Variants in CDH13 observed in about 807,000 individuals in gnomAD.
The protein encoded by CDH13 is cadherin-13.
A neutral mutation model predicts 63.8 loss-of-function variants in CDH13; 24 were observed. The ratio of observed to expected loss-of-function variants is 0.38; its 90% CI spans 0.27 to 0.53. CDH13 has a LOEUF of 0.53. CDH13 is among the 20% of genes least tolerant of loss of function. The probability of loss-of-function intolerance (pLI) is 0.85; values close to 1 mark genes in which losing one functional copy is unlikely to be tolerated. For missense variants in CDH13, 1,049 were observed against 903.1 expected, an observed-to-expected ratio of 1.16 and a Z score of -2.07; for synonymous variants, 503 against 355.3, an observed-to-expected ratio of 1.42 and a Z score of -4.67.
chr16:82,775,186 T>C (rs2035439983), intron 1 of CDH13, among the ~76,000 whole-genome samples: 1 of 152,196 alleles, frequency 6.6e-6, no homozygotes, highest in Admixed American at 6.5e-5. Context: ...ATAGTTGTGA[T>C]AGAGTGAATA....
chr16:83,648,576 C>T (rs556296463), intron 8 of CDH13, among the ~76,000 whole-genome samples: 2 of 152,238 alleles, frequency 1.3e-5, no homozygotes, highest in South Asian at 2.1e-4. Context: ...GAGGCTTCAA[C>T]CACTGGGTTT....
intron 8 of CDH13, among the ~76,000 whole-genome samples, chr16:83,603,019 T>C (rs2150751855): frequency 6.6e-6 from 1 of 152,312 alleles, no homozygotes; most frequent in South Asian, 2.1e-4. Context: ...TCCATAACAA[T>C]GTGGCCCAGG....
intron 7 of CDH13, among the ~76,000 whole-genome samples, chr16:83,540,542 C>A (rs543900552): frequency 6.6e-6 from 1 of 152,300 alleles, no homozygotes; most frequent in African/African-American, 2.4e-5. Flanking sequence ...TCTTCTTCTT[C>A]CCCAGACCCT....
chr16:82,681,868 G>C (rs952870966), intron 1 of CDH13, among the ~76,000 whole-genome samples: 4 of 152,226 alleles, frequency 2.6e-5, no homozygotes, highest in Non-Finnish European at 4.4e-5. Flanking sequence ...CCAGAGCTCA[G>C]TGCGTCTTGC....
At chr16:82,881,508 C>A (rs1309193399) in intron 2 of CDH13, among the ~76,000 whole-genome samples, 1 of 152,126 alleles carries the variant, frequency 6.6e-6, no homozygotes, top group East Asian at 1.9e-4. Context: ...TGGATGTGGG[C>A]TGTGGGAAGG....
chr16:82,937,064 G>A (rs1054106544), intron 2 of CDH13, among the ~76,000 whole-genome samples: 5 of 152,172 alleles, frequency 3.3e-5, no homozygotes, highest in African/African-American at 1.2e-4. Context: ...TAAACAGAGG[G>A]CAACTGCAGA....
chr16:83,493,522 G>A (rs7189977), intron 7 of CDH13, among the ~76,000 whole-genome samples: 25,769 of 152,146 alleles, frequency 0.17, 2,499 homozygotes, highest in South Asian at 0.25. Flanking sequence ...GAACCTTGAT[G>A]GCTGTGTGGA....
chr16:83,656,547 C>T (rs1185970813), intron 8 of CDH13, among the ~76,000 whole-genome samples: 1 of 152,066 alleles, frequency 6.6e-6, no homozygotes, highest in Non-Finnish European at 1.5e-5. Flanking sequence ...TGAAGAGCTG[C>T]CATTGCCCAA....
At chr16:83,056,528 A>G (rs1165551003) in intron 3 of CDH13, among the ~76,000 whole-genome samples, 2 of 152,232 alleles carry the variant, frequency 1.3e-5, no homozygotes, top group African/African-American at 4.8e-5. Context: ...ATAACATTGC[A>G]TGAAAGAAGC....
intron 2 of CDH13, among the ~76,000 whole-genome samples, chr16:82,893,171 T>C (rs1328200881): frequency 6.6e-6 from 1 of 152,186 alleles, no homozygotes; most frequent in Non-Finnish European, 1.5e-5. Context: ...CAGAGAAACC[T>C]CAAAATTACT....
At chr16:83,300,653 C>G (rs1597698242) in intron 5 of CDH13, among the ~76,000 whole-genome samples, 1 of 152,180 alleles carries the variant, frequency 6.6e-6, no homozygotes, top group African/African-American at 2.4e-5. Flanking sequence ...AACCTAGTAT[C>G]TTGTCAAGAT....
intron 3 of CDH13, among the ~76,000 whole-genome samples, chr16:83,115,663 C>G (rs978200098): frequency 3.5e-4 from 53 of 152,220 alleles, no homozygotes; most frequent in African/African-American, 1.2e-3. Flanking sequence ...CACTGTTCTC[C>G]CTTAATTCCC....
intron 9 of CDH13, among the ~76,000 whole-genome samples, chr16:83,675,896 T>C (rs2150866669): frequency 6.6e-6 from 1 of 152,274 alleles, no homozygotes; most frequent in South Asian, 2.1e-4. Context: ...TTACAGTCAA[T>C]TCATTCATTC....
intron 1 of CDH13, among the ~76,000 whole-genome samples, chr16:82,701,893 T>C (rs1430109083): frequency 6.6e-6 from 1 of 152,176 alleles, no homozygotes; most frequent in Non-Finnish European, 1.5e-5. Context: ...TGGGACTTCA[T>C]CTCTACCCAG....
intron 1 of CDH13, among the ~76,000 whole-genome samples, chr16:82,706,809 A>T (rs554033440): frequency 5.5e-4 from 83 of 152,250 alleles, no homozygotes; most frequent in African/African-American, 1.6e-3. Context: ...GTCTCAAAAA[A>T]AAAATAAAAT....
chr16:83,402,522 C>T (rs1051619491), intron 6 of CDH13, among the ~76,000 whole-genome samples: 1 of 152,212 alleles, frequency 6.6e-6, no homozygotes, highest in East Asian at 1.9e-4. Flanking sequence ...TGTCTATGGC[C>T]TTCTCTTCAT....
chr16:83,578,180 T>A (rs543539357), intron 7 of CDH13, among the ~76,000 whole-genome samples: 15 of 152,312 alleles, frequency 9.8e-5, no homozygotes, highest in South Asian at 6.2e-4. Context: ...GTTTAAATGG[T>A]ACCCGGGTGA....
At chr16:82,945,047 C>G (rs567831810) in intron 2 of CDH13, among the ~76,000 whole-genome samples, 1 of 151,904 alleles carries the variant, frequency 6.6e-6, no homozygotes, top group Non-Finnish European at 1.5e-5. Flanking sequence ...TCCTGAGAGC[C>G]AAAACAAAAA....
At chr16:82,857,507 C>T (rs753612253) in intron 1 of CDH13, among the ~76,000 whole-genome samples, 1 of 152,164 alleles carries the variant, frequency 6.6e-6, no homozygotes, top group African/African-American at 2.4e-5. Flanking sequence ...CTAAGTCACA[C>T]CTTGCCCAGG....
Sources: allele counts gnomAD v4.1 joint callset (sites outside exome capture counted in the v4.1 genomes callset), GRCh38; gene constraint gnomAD v4.1.1; transcripts MANE v1.5; gene names NCBI Gene and HGNC (gene_info 2026-07-23, HGNC 2026-07-21).